Variants in TOP3B observed in about 807,000 individuals in gnomAD.
The protein encoded by TOP3B is DNA topoisomerase III beta.
Under a neutral mutation model 93.9 loss-of-function variants are expected in TOP3B, and 45 were observed. The observed-to-expected ratio is 0.48, with a 90% CI of 0.38 to 0.61. The LOEUF (loss-of-function observed/expected upper bound fraction) is 0.61. TOP3B is among the 20% of genes least tolerant of loss of function. The pLI, the probability that TOP3B is intolerant of heterozygous loss-of-function variation, is 0.00. For synonymous variants in TOP3B, 357 were observed against 472.6 expected, an observed-to-expected ratio of 0.76 and a Z score of 3.17; for missense variants, 750 against 1,156.1, an observed-to-expected ratio of 0.65 and a Z score of 5.09.
chr22:21,969,897 G>C (rs1443224647), intron 6 of TOP3B: 2 of 227,434 alleles, frequency 8.8e-6, no homozygotes, highest in African/African-American at 2.2e-5. Flanking sequence ...TTCCAGCCTA[G>C]GCAACAGAAC....
chr22:21,964,068 C>T (rs1306795969), intron 10 of TOP3B, 40 bp from the exon 11 acceptor site: 9 of 1,600,464 alleles, frequency 5.6e-6, no homozygotes, highest in South Asian at 2.2e-5. Flanking sequence ...TGGCTGGGCT[C>T]GGCTGCCTGC....
At chr22:21,976,074 C>G (rs978662125) in intron 1 of TOP3B, 5 of 169,380 alleles carry the variant, frequency 3.0e-5, no homozygotes, top group Non-Finnish European at 6.4e-5. Flanking sequence ...AATTTTATTC[C>G]TAAATCCATG....
intron 17 of TOP3B, chr22:21,958,142 T>G: frequency 8.0e-7 from 1 of 1,255,752 alleles, no homozygotes; most frequent in Non-Finnish European, 1.0e-6. Context: ...AGGATGAGGA[T>G]GGAGGACGGT....
At position 21,960,365 on chromosome 22, in the gene TOP3B, G is replaced by A; in HGVS notation, c.1610C>T (p.Pro537Leu). 1 of 1,613,674 alleles carries A rather than the reference G, an allele frequency of 6.2e-7. No homozygotes were observed. Among genetic ancestry groups the A allele is most frequent in the Non-Finnish European group, 8.5e-7 (1 of 1,179,992 alleles). The change falls in exon 14 of 18, where the codon CCC (proline) becomes CTC (leucine). Residue 537 changes from proline to leucine, a missense_variant. Around this residue, in one of 4 missense-constraint regions of TOP3B, gnomAD observed 737 missense variants for 933.7 expected, o/e 0.79. Coordinates refer to ENST00000357179, the MANE Select transcript of TOP3B (RefSeq NM_001282112.2). Reference sequence around the variant, plus strand: ...CACCAGGACGATGCCGAGGTTGGTGGGCTTGAGCCGGCGCCCGCTCTCCAC... The same window carrying A: ...CACCAGGACGATGCCGAGGTTGGTGAGCTTGAGCCGGCGCCCGCTCTCCAC... ...VTVESGRRLK[P>L]TNLGIVLVHG...
Position 21,970,081 on chromosome 22 carries a change from TG to T in TOP3B, c.581+128del. ...CACTGTGCCTGGCCTTCTTCAGGGTTGGTGAAATCCCCTGTTGCTCATCCTG... is the reference window on the plus strand; with the variant it reads ...CACTGTGCCTGGCCTTCTTCAGGGTTGTGAAATCCCCTGTTGCTCATCCTG... On this transcript the variant is annotated intron_variant, in intron 6 of 17. Coordinates refer to ENST00000357179, the MANE Select transcript of TOP3B (RefSeq NM_001282112.2). This position sits in a 1 kb window ranked among gnomAD's most constrained non-coding sequence, Gnocchi z 4.4. 1.0e-6 allele frequency: 1 copy of T among 987,124 alleles called. No individual in the cohort carries two copies. Among genetic ancestry groups the T allele is most frequent in the Non-Finnish European group, 1.5e-6 (1 of 674,146 alleles). 61.1% of individuals were successfully genotyped at this position (987,124 alleles called of 1,614,324 possible).
At chr22:21,972,004 C>T (rs1160891734) in intron 4 of TOP3B, 53 bp from the exon 5 acceptor site, 20 of 1,524,752 alleles carry the variant, frequency 1.3e-5, no homozygotes, top group Middle Eastern at 1.7e-4. Context: ...GTCTGTGCCA[C>T]CCGCCCCCAG....
At chr22:21,975,505 A>T in intron 2 of TOP3B, 135 bp downstream of exon 2, 1 of 1,019,122 alleles carries the variant, frequency 9.8e-7, no homozygotes, top group Non-Finnish European at 1.4e-6. Flanking sequence ...ACTGTGACAT[A>T]CTGAGATGCT....
intron 13 of TOP3B, 138 bp downstream of exon 13, chr22:21,962,291 G>T (rs770353799): frequency 6.3e-7 from 1 of 1,592,254 alleles, no homozygotes; most frequent in Non-Finnish European, 8.5e-7. Context: ...CACACACTGG[G>T]TCACCAGTTT....
At chr22:21,980,122 T>C (rs749042454) in intron 1 of TOP3B, among the ~76,000 whole-genome samples, 4 of 152,032 alleles carry the variant, frequency 2.6e-5, no homozygotes, top group Non-Finnish European at 4.4e-5. Context: ...ATCACACATA[T>C]GTGTGCACAC....
Position 21,963,751 on chromosome 22 carries a change from G to A in TOP3B, c.1204+172C>T. 1 of 659,098 alleles carries A rather than the reference G, an allele frequency of 1.5e-6. No homozygotes were observed. The highest frequency in any genetic ancestry group is 2.6e-6 in the Non-Finnish European group (1 of 384,448). 40.8% of individuals were successfully genotyped at this position (659,098 alleles called of 1,614,324 possible). ...CACCTGCTGCTACCTCTTCACTCCT[G>A]TCCTGGTCCCATAGCAATGGAGCTC... is the stretch of plus-strand genomic sequence containing the variant. On this transcript the variant is annotated intron_variant, in intron 11 of 17. Coordinates refer to ENST00000357179, the MANE Select transcript of TOP3B (RefSeq NM_001282112.2). This position sits in a 1 kb window ranked among gnomAD's most constrained non-coding sequence, Gnocchi z 4.8.
In TOP3B at chr22:21,958,579, C is replaced by G. The variant is rs773327025; in HGVS notation, c.2020G>C (p.Val674Leu). Residue 674 changes from valine to leucine, a missense_variant, in exon 17 of 18, where the codon GTC becomes CTC. Physicochemically the swap from Val to Leu is conservative, Grantham distance 32. Transcript: ENST00000357179. ...CCCCGAGAGCCTGATGACCACAGGACCAGCTCGAAGTCATCCAGAGGGCAG... is the reference window on the plus strand; with the variant it reads ...CCCCGAGAGCCTGATGACCACAGGAGCAGCTCGAAGTCATCCAGAGGGCAG... ...LRCPLDDFELVLWSSGSRGKS... is the reference protein window; with the variant it reads ...LRCPLDDFELLLWSSGSRGKS... 6 of 1,614,006 alleles carry G rather than the reference C, an allele frequency of 3.7e-6. No individual in the cohort carries two copies. Among genetic ancestry groups the G allele is most frequent in the Non-Finnish European group, 4.2e-6 (5 of 1,180,044 alleles).
intron 13 of TOP3B, chr22:21,962,187 G>A: frequency 1.4e-6 from 2 of 1,451,608 alleles, no homozygotes; most frequent in Non-Finnish European, 1.8e-6. Context: ...ACACCCCACA[G>A]TGCACGAGGG....
Position 21,972,642 on chromosome 22 carries a change from G to T in TOP3B, c.279C>A (p.Asn93Lys). 4 of 1,611,758 alleles carry T rather than the reference G, an allele frequency of 2.5e-6. No homozygotes were observed. The highest frequency in any genetic ancestry group is 1.1e-5 in the South Asian group (1 of 91,040). Residue 93 changes from asparagine (N) to lysine (K), a missense_variant, in exon 4 of 18, where the codon AAC becomes AAA. This residue lies in a region of TOP3B where 737 missense variants were observed against 933.7 expected (regional missense o/e 0.79). Coordinates refer to ENST00000357179, the MANE Select transcript of TOP3B (RefSeq NM_001282112.2). ...GGAACTTCACCATGTTCAGCTTGGG[G>T]TTAGCTTCTTTCTTCTCCGTGGGAG... ...SQAPTEKKEA[N>K]PKLNMVKFLQ...
chr22:21,982,719 C>T lies in TOP3B; in HGVS notation c.-99+11G>A, dbSNP rs2084661058. ...AGCCGCCGGGCGAGGGTCCCGCAGC[C>T]CGCCGCTCACCCACAGCCGCACCGC... is the stretch of plus-strand genomic sequence containing the variant. On this transcript the variant is annotated intron_variant, in intron 1 of 17. Transcript: ENST00000357179. 6.6e-6 allele frequency: 1 copy of T among 152,254 alleles called. No individual in the cohort carries two copies. The highest frequency in any genetic ancestry group is 2.1e-4 in the South Asian group (1 of 4,832). 9.4% of individuals were successfully genotyped at this position (152,254 alleles called of 1,614,324 possible). A position where few individuals can be genotyped will look rare whatever the true frequency, so the allele number is the denominator to read the frequency against.
Position 21,970,485 on chromosome 22 carries a change from T to G in TOP3B, c.385-79A>C. 1.3e-6 allele frequency: 2 copies of G among 1,490,830 alleles called. No homozygotes were observed. Among genetic ancestry groups the G allele is most frequent in the Admixed American group, 3.7e-5 (2 of 53,718 alleles). 92.4% of individuals were successfully genotyped at this position (1,490,830 alleles called of 1,614,324 possible). A position where few individuals can be genotyped will look rare whatever the true frequency, so the allele number is the denominator to read the frequency against. On this transcript the variant is annotated intron_variant, in intron 5 of 17. Coordinates refer to ENST00000357179, the MANE Select transcript of TOP3B (RefSeq NM_001282112.2). This position sits in a 1 kb window ranked among gnomAD's most constrained non-coding sequence, Gnocchi z 4.4. The stretch of plus-strand genomic sequence containing the variant: ...TCCCCACCCCACTGTGAAGCCTGGT[T>G]CCTTCCAGGAAAGAACACGTGTGCT...
intron 13 of TOP3B, 146 bp from the exon 14 acceptor site, chr22:21,960,595 C>A (rs2071132736): frequency 1.8e-6 from 2 of 1,105,216 alleles, no homozygotes; most frequent in Non-Finnish European, 1.3e-6. Context: ...CCCTGAGCTC[C>A]CCCTGCACTG....
chr22:21,976,150 C>G (rs2071862280), intron 1 of TOP3B: 1 of 153,416 alleles, frequency 6.5e-6, no homozygotes, highest in Non-Finnish European at 1.4e-5. Flanking sequence ...CCTGGCCCTC[C>G]TCTCTGGACT....
At position 21,964,223 on chromosome 22, in the gene TOP3B, C is replaced by G. The variant is rs148740221; in HGVS notation, c.1036G>C (p.Glu346Gln). ...YPRTETTHYP[E>Q]NFDLKGSLRQ... is the part of the protein sequence containing the mutation. ...AGAGAGCCCTTCAGGTCAAAGTTCT[C>G]AGGGTAGTGGGTGGTCTCTGTCCGT... The change falls in exon 10 of 18, where the codon GAG becomes CAG. Residue 346 changes from glutamate to glutamine, a missense_variant. Coordinates refer to ENST00000357179, the MANE Select transcript of TOP3B (RefSeq NM_001282112.2). 9.4e-5 allele frequency: 151 copies of G among 1,614,076 alleles called. No individual in the cohort carries two copies. The highest frequency in any genetic ancestry group is 1.2e-4 in the Non-Finnish European group (147 of 1,180,038).
At chr22:21,974,560 G>C in intron 2 of TOP3B, 72 bp from the exon 3 acceptor site, 1 of 1,482,078 alleles carries the variant, frequency 6.7e-7, no homozygotes, top group Admixed American at 2.2e-5. Context: ...CCCCAGCCCG[G>C]ATGCCACCTC....
Sources: gnomAD v4.1 joint callset for allele counts (sites outside exome capture counted in the v4.1 genomes callset) on GRCh38, gnomAD v4.1.1 for gene constraint, gnomAD v4.1.1 regional missense constraint, Gnocchi (gnomAD v3.1) non-coding constraint, MANE v1.5 for transcripts, NCBI Gene and HGNC (gene_info 2026-07-23, HGNC 2026-07-21) for gene names.